The following LRRTM3 variants were observed in gnomAD, a reference collection of about 807,000 sequenced individuals.
LRRTM3 encodes the protein leucine rich repeat transmembrane neuronal 3.
Under a neutral mutation model 44.7 loss-of-function variants are expected in LRRTM3, and 24 were observed. The ratio of observed to expected loss-of-function variants is 0.54; its 90% CI spans 0.39 to 0.76. The LOEUF is 0.76. LRRTM3 is among the 30% of genes least tolerant of loss of function. The pLI is 0.00. For synonymous variants in LRRTM3, 277 were observed against 278.7 expected (o/e 0.99, Z 0.06); for missense variants, 587 against 702.2 (o/e 0.84, Z 1.85).
At chr10:66,929,184 A>T (rs1847235561) in intron 2 of LRRTM3, among the ~76,000 whole-genome samples, 1 of 152,232 alleles carries the variant, frequency 6.6e-6, no homozygotes, top group Non-Finnish European at 1.5e-5. Flanking sequence ...TCTCTGTAAA[A>T]TCAGACTAGA....
chr10:67,074,798 A>C (rs1457055337), intron 2 of LRRTM3, among the ~76,000 whole-genome samples: 1 of 151,374 alleles, frequency 6.6e-6, no homozygotes, highest in African/African-American at 2.5e-5. Flanking sequence ...TCTTAATATT[A>C]TGAACATAAC....
chr10:67,085,632 A>G (rs1267095493), intron 2 of LRRTM3, among the ~76,000 whole-genome samples: 8 of 152,038 alleles, frequency 5.3e-5, no homozygotes, highest in Non-Finnish European at 7.4e-5. Flanking sequence ...GTCATATAAA[A>G]ATTTGAAATA....
intron 2 of LRRTM3, among the ~76,000 whole-genome samples, chr10:66,975,970 T>C (rs1389486509): frequency 6.6e-6 from 1 of 152,238 alleles, no homozygotes; most frequent in Non-Finnish European, 1.5e-5. Flanking sequence ...CTTAACATGC[T>C]ACTGCAGTTA....
At chr10:67,070,260 T>A (rs1856366938) in intron 2 of LRRTM3, among the ~76,000 whole-genome samples, 1 of 152,340 alleles carries the variant, frequency 6.6e-6, no homozygotes, top group African/African-American at 2.4e-5. Flanking sequence ...TTTGTCTTTA[T>A]CTTTTTTATT....
At chr10:67,047,497 C>A (rs1854827415) in intron 2 of LRRTM3, among the ~76,000 whole-genome samples, 1 of 152,060 alleles carries the variant, frequency 6.6e-6, no homozygotes, top group Non-Finnish European at 1.5e-5. Flanking sequence ...TTTAAACCAG[C>A]CTGTCACAAG....
chr10:67,017,746 T>TGG (rs1852746315), intron 2 of LRRTM3, among the ~76,000 whole-genome samples: 1 of 151,814 alleles, frequency 6.6e-6, no homozygotes, highest in African/African-American at 2.4e-5. Context: ...TGTGTGTGTG[T>TGG]GTGTGTGCGC....
At chr10:67,077,710 G>T (rs1019917099) in intron 2 of LRRTM3, among the ~76,000 whole-genome samples, 2 of 152,046 alleles carry the variant, frequency 1.3e-5, no homozygotes, top group African/African-American at 4.8e-5. Context: ...TGTTTAATGT[G>T]TATCCCCTTA....
At chr10:66,953,405 AAGG>A (rs1182212481) in intron 2 of LRRTM3, among the ~76,000 whole-genome samples, 4 of 152,302 alleles carry the variant, frequency 2.6e-5, no homozygotes, top group Admixed American at 2.6e-4. Context: ...TACATGAATC[AAGG>A]AGGTTTATTT....
intron 2 of LRRTM3, chr10:67,012,357 G>A (rs1239142445): frequency 1.3e-5 from 2 of 152,122 alleles, no homozygotes; most frequent in Non-Finnish European, 2.9e-5. Context: ...CTACAGGTCA[G>A]TCCTCTCTAT....
chr10:67,088,376 A>G (rs1416366058), intron 2 of LRRTM3, among the ~76,000 whole-genome samples: 3 of 151,946 alleles, frequency 2.0e-5, no homozygotes, highest in Non-Finnish European at 1.5e-5. Flanking sequence ...GCATATAGCC[A>G]ATCCATATTT....
intron 2 of LRRTM3, among the ~76,000 whole-genome samples, chr10:66,962,468 G>C (rs1849165794): frequency 6.6e-6 from 1 of 150,804 alleles, no homozygotes; most frequent in Non-Finnish European, 1.5e-5. Flanking sequence ...GGAGTGCAGT[G>C]GTGTGATCTC....
intron 2 of LRRTM3, among the ~76,000 whole-genome samples, chr10:67,095,617 T>A (rs890960535): frequency 1.3e-5 from 2 of 151,770 alleles, no homozygotes; most frequent in African/African-American, 4.8e-5. Flanking sequence ...TCATAAATCA[T>A]CACCATAGAA....
At chr10:66,982,655 T>C (rs911038142) in intron 2 of LRRTM3, among the ~76,000 whole-genome samples, 2 of 152,066 alleles carry the variant, frequency 1.3e-5, no homozygotes, top group African/African-American at 2.4e-5. Flanking sequence ...TGAGGTTATA[T>C]AAAATAGAAT....
intron 2 of LRRTM3, among the ~76,000 whole-genome samples, chr10:67,012,721 C>G (rs1564830986): frequency 6.6e-6 from 1 of 152,004 alleles, no homozygotes. Flanking sequence ...TGATGTATTT[C>G]CAGCTTCACG....
At chr10:67,070,059 A>G (rs1200181597) in intron 2 of LRRTM3, among the ~76,000 whole-genome samples, 2 of 152,148 alleles carry the variant, frequency 1.3e-5, no homozygotes, top group African/African-American at 4.8e-5. Flanking sequence ...TGACCAACAC[A>G]TATTTTCTGC....
intron 2 of LRRTM3, among the ~76,000 whole-genome samples, chr10:67,011,225 C>T (rs1362475029): frequency 1.3e-5 from 2 of 151,562 alleles, no homozygotes; most frequent in African/African-American, 4.9e-5. Flanking sequence ...ACTGTAGTCC[C>T]AGCTACTCGG....
At chr10:66,960,826 G>C (rs115033475) in intron 2 of LRRTM3, among the ~76,000 whole-genome samples, 4,675 of 152,166 alleles carry the variant, frequency 0.031, 239 homozygotes, top group African/African-American at 0.11. Context: ...GGGATGGTAG[G>C]GTTAGGAATA....
chr10:67,066,195 C>CTTTTTTTT (rs71006118), intron 2 of LRRTM3, among the ~76,000 whole-genome samples: 5 of 123,062 alleles, frequency 4.1e-5, no homozygotes, highest in African/African-American at 1.6e-4. Context: ...AAGTCACTGG[C>CTTTTTTTT]TTTTTTTTTT....
intron 2 of LRRTM3, among the ~76,000 whole-genome samples, chr10:67,046,045 A>C (rs1344107161): frequency 2.0e-5 from 3 of 152,230 alleles, no homozygotes; most frequent in African/African-American, 7.2e-5. Flanking sequence ...AAAAAGAAAT[A>C]CAACAAATTT....
Sources: allele counts gnomAD v4.1 joint callset (sites outside exome capture counted in the v4.1 genomes callset), GRCh38; gene constraint gnomAD v4.1.1; transcripts MANE v1.5; gene names NCBI Gene and HGNC (gene_info 2026-07-23, HGNC 2026-07-21).